The following ARFIP1 variants were observed in gnomAD, a reference collection of about 807,000 sequenced individuals.
ARFIP1 encodes the protein arfaptin-1.
ARFIP1 carries 24 observed loss-of-function variants against 42.5 expected under a neutral mutation model. The observed-to-expected ratio is 0.57, with a 90% CI of 0.41 to 0.80. ARFIP1 has a LOEUF of 0.80. ARFIP1 is among the 30% of genes least tolerant of loss of function. ARFIP1 has a pLI of 0.00. For missense variants in ARFIP1, 354 were observed against 434.0 expected, an observed-to-expected ratio of 0.82 and a Z score of 1.64; for synonymous variants, 141 against 153.7, an observed-to-expected ratio of 0.92 and a Z score of 0.61.
chr4:152,884,731 T>G (rs1472143029), intron 7 of ARFIP1, among the ~76,000 whole-genome samples: 3 of 152,070 alleles, frequency 2.0e-5, no homozygotes, highest in Admixed American at 1.3e-4. Flanking sequence ...TTTGCTCACT[T>G]GTAGTCAATT....
At chr4:152,803,167 TA>T (rs1345337414) in intron 1 of ARFIP1, among the ~76,000 whole-genome samples, 3 of 152,136 alleles carry the variant, frequency 2.0e-5, no homozygotes, top group African/African-American at 7.2e-5. Context: ...GGTCAGACTG[TA>T]AGCAGTTTTA....
At chr4:152,796,612 T>A (rs1470600714) in intron 1 of ARFIP1, 14 of 881,674 alleles carry the variant, frequency 1.6e-5, no homozygotes, top group Non-Finnish European at 2.4e-5. Context: ...TTCATCATTC[T>A]TTTGTTTGGT....
chr4:152,799,683 C>T (rs944102951), intron 1 of ARFIP1, among the ~76,000 whole-genome samples: 2 of 152,078 alleles, frequency 1.3e-5, no homozygotes, highest in East Asian at 1.9e-4. Context: ...GTATACGGTA[C>T]GTATCTTAGT....
At chr4:152,783,496 TTTC>T (rs1730623097) in intron 1 of ARFIP1, among the ~76,000 whole-genome samples, 1 of 152,214 alleles carries the variant, frequency 6.6e-6, no homozygotes, top group Non-Finnish European at 1.5e-5. Context: ...AAAGTCCTCA[TTTC>T]TGTAGGTGAA....
At chr4:152,818,300 C>G (rs1372365412) in intron 1 of ARFIP1, among the ~76,000 whole-genome samples, 2 of 152,218 alleles carry the variant, frequency 1.3e-5, no homozygotes, top group Non-Finnish European at 2.9e-5. Context: ...AGGGGAGAGA[C>G]AGCTGCCGTG....
chr4:152,837,221 A>G (rs1460575212), intron 2 of ARFIP1, among the ~76,000 whole-genome samples: 1 of 152,280 alleles, frequency 6.6e-6, no homozygotes, highest in African/African-American at 2.4e-5. Flanking sequence ...GCTATTGTGA[A>G]TTGTGCCACT....
intron 1 of ARFIP1, among the ~76,000 whole-genome samples, chr4:152,781,730 AT>A (rs1193273201): frequency 3.3e-5 from 5 of 152,206 alleles, no homozygotes; most frequent in Non-Finnish European, 7.3e-5. Context: ...AAGATTTCTA[AT>A]GTATTTTGTG....
At chr4:152,822,155 C>A (rs1426822328) in intron 1 of ARFIP1, among the ~76,000 whole-genome samples, 1 of 152,004 alleles carries the variant, frequency 6.6e-6, no homozygotes, top group Non-Finnish European at 1.5e-5. Flanking sequence ...TATCTGCTGA[C>A]TTTAGAAGAC....
chr4:152,788,671 A>G (rs1214400767), intron 1 of ARFIP1, among the ~76,000 whole-genome samples: 6 of 152,096 alleles, frequency 3.9e-5, no homozygotes, highest in Non-Finnish European at 8.8e-5. Context: ...ACAGAGCGAG[A>G]CTCCATCTCA....
chr4:152,846,018 A>C (rs2149860617), intron 2 of ARFIP1, among the ~76,000 whole-genome samples: 1 of 152,338 alleles, frequency 6.6e-6, no homozygotes, highest in South Asian at 2.1e-4. Flanking sequence ...AGCCATAAAA[A>C]AGAACAACAT....
intron 1 of ARFIP1, among the ~76,000 whole-genome samples, chr4:152,794,514 C>T (rs1200768646): frequency 6.6e-6 from 1 of 152,090 alleles, no homozygotes; most frequent in Non-Finnish European, 1.5e-5. Flanking sequence ...ATTACTTGAT[C>T]ACTTGGTTGA....
At chr4:152,882,994 T>G (rs1735968611) in intron 7 of ARFIP1, 114 bp downstream of exon 7, 3 of 1,136,992 alleles carry the variant, frequency 2.6e-6, no homozygotes, top group Non-Finnish European at 3.7e-6. Context: ...AGGAAAAAAA[T>G]GTACTGGAAA....
chr4:152,817,411 G>A (rs1272759527), intron 1 of ARFIP1, among the ~76,000 whole-genome samples: 2 of 152,296 alleles, frequency 1.3e-5, no homozygotes, highest in African/African-American at 4.8e-5. Context: ...ATATCCACAT[G>A]CAAAAGAATG....
chr4:152,789,194 G>A (rs561964347), intron 1 of ARFIP1, among the ~76,000 whole-genome samples: 10 of 146,376 alleles, frequency 6.8e-5, no homozygotes, highest in South Asian at 4.4e-4. Context: ...GGGTTCAAGC[G>A]ATTTTCCTGT....
intron 2 of ARFIP1, among the ~76,000 whole-genome samples, chr4:152,860,866 A>T (rs1733837547): frequency 1.3e-5 from 2 of 152,202 alleles, no homozygotes; most frequent in Non-Finnish European, 2.9e-5. Context: ...AGATTTTTAG[A>T]TTTCATAGAC....
intron 2 of ARFIP1, among the ~76,000 whole-genome samples, chr4:152,853,453 G>T (rs1733159101): frequency 1.3e-5 from 2 of 152,174 alleles, no homozygotes; most frequent in African/African-American, 4.8e-5. Context: ...TGGCTGGACA[G>T]TTTTTTTCTT....
At chr4:152,814,097 C>CTTTTTTTTTTTTTT (rs67593845) in intron 1 of ARFIP1, among the ~76,000 whole-genome samples, 2 of 110,882 alleles carry the variant, frequency 1.8e-5, no homozygotes, top group Admixed American at 9.3e-5. Context: ...TCTTCTTCTT[C>CTTTTTTTTTTTTTT]TTTTTTTTTT....
intron 3 of ARFIP1, among the ~76,000 whole-genome samples, chr4:152,868,206 C>T (rs980362555): frequency 6.6e-6 from 1 of 152,144 alleles, no homozygotes; most frequent in Non-Finnish European, 1.5e-5. Context: ...AAAGATGTTG[C>T]AGAATCAGTA....
intron 2 of ARFIP1, among the ~76,000 whole-genome samples, chr4:152,850,340 A>G (rs111599331): frequency 6.8e-4 from 104 of 152,322 alleles, no homozygotes; most frequent in African/African-American, 2.4e-3. Context: ...GCCCACCAAC[A>G]TGCAAAAGGT....
Sources: allele counts gnomAD v4.1 joint callset (sites outside exome capture counted in the v4.1 genomes callset), GRCh38; gene constraint gnomAD v4.1.1; transcripts MANE v1.5; gene names NCBI Gene and HGNC (gene_info 2026-07-23, HGNC 2026-07-21).